Variants in SHROOM4 observed in about 807,000 individuals in gnomAD.
SHROOM4 encodes protein Shroom4.
A neutral mutation model predicts 80.3 loss-of-function variants in SHROOM4; 17 were observed. That is an observed-to-expected ratio of 0.21 (90% confidence interval 0.14 to 0.32). The LOEUF is 0.32. Ranked by LOEUF, SHROOM4 falls within the 10% of genes least tolerant of loss-of-function variation. SHROOM4 has a pLI of 1.00. For synonymous variants in SHROOM4, 400 were observed against 437.5 expected, an observed-to-expected ratio of 0.91 and a Z score of 1.07; for missense variants, 993 against 1,140.3, an observed-to-expected ratio of 0.87 and a Z score of 1.86.
rs1557273781 is a variant in SHROOM4 at position 50,813,979 on chromosome X, G to A, written c.40C>T (p.Gln14Ter). ...RPGSFQYVPV[Q>*]LQGGAPWGFT... is the part of the protein sequence containing the mutation. ...CCCCAGGGTGCCCCCCCTTGCAGCT[G>A]CACAGGGACGTACTGGAAGGACCCA... Residue 14 changes from glutamine to a stop codon, truncating the protein, a stop_gained, in exon 1 of 9, where the codon CAG becomes TAG. Transcript: ENST00000376020. LOFTEE classifies it high-confidence loss of function. 1.7e-6 allele frequency: 2 copies of A among 1,208,853 alleles called. No homozygotes were observed. The highest frequency in any genetic ancestry group is 2.2e-6 in the Non-Finnish European group (2 of 893,829).
chrX:50,795,133 TATATATATATATG>T (rs535406936), intron 1 of SHROOM4, among the ~76,000 whole-genome samples: 45 of 2,958 alleles, frequency 0.015, 9 homozygotes, highest in African/African-American at 0.022. Context: ...ATATGATATA[TATATATATATATG>T]ATATATATAT....
chrX:50,628,358 CT>C (rs782707809), intron 4 of SHROOM4, among the ~76,000 whole-genome samples: 6 of 108,138 alleles, frequency 5.5e-5, no homozygotes, highest in Admixed American at 2.0e-4. Context: ...CCAAGCAACT[CT>C]TTTTTTTTTC....
intron 1 of SHROOM4, among the ~76,000 whole-genome samples, chrX:50,769,893 C>G (rs1169835619): frequency 9.1e-6 from 1 of 110,357 alleles, no homozygotes; most frequent in African/African-American, 3.3e-5. Context: ...TTGCATATCT[C>G]AAGCCCTGGA....
chrX:50,742,641 C>G (rs868929526), intron 1 of SHROOM4, among the ~76,000 whole-genome samples: 7 of 73,689 alleles, frequency 9.5e-5, no homozygotes, highest in African/African-American at 4.1e-4. Context: ...ATGAATTTTT[C>G]GGGGGGGGGG....
rs5915187 is a variant in SHROOM4, at chrX:50,643,793, C to A, written c.270-5485G>T. ...CCAATAAGGAAGCTGGGCCCCCAGC[C>A]ACTGCTAGAACTCAGGAAAGGAGCA... On this transcript the variant is annotated intron_variant, in intron 2 of 8. Transcript: ENST00000376020. 453 of 112,527 alleles carry A rather than the reference C, an allele frequency of 4.0e-3. 2 individuals are homozygous for A. The highest frequency in any genetic ancestry group is 6.1e-3 in the Non-Finnish European group (326 of 53,310). 9.3% of individuals were successfully genotyped at this position (112,527 alleles called of 1,213,427 possible).
At chrX:50,741,558 TTG>T (rs1267307173) in intron 1 of SHROOM4, among the ~76,000 whole-genome samples, 58 of 111,231 alleles carry the variant, frequency 5.2e-4, no homozygotes, top group Non-Finnish European at 9.3e-4. Context: ...CAATTATGAT[TTG>T]TCATTAAAAA....
chrX:50,635,587 C>T lies in SHROOM4; in HGVS notation c.486G>A (p.Leu162=). ...KSSSIGSMES[L]EQPGQATYES... Reference sequence around the variant, plus strand: ...CATAGGTGGCTTGGCCTGGTTGCTCCAGGCTCTCCATGCTGCCAATGGAGC... The same window carrying T: ...CATAGGTGGCTTGGCCTGGTTGCTCTAGGCTCTCCATGCTGCCAATGGAGC... Residue 162 remains leucine (L), a synonymous_variant, in exon 4 of 9, where the codon CTG becomes CTA. Coordinates refer to ENST00000376020, the MANE Select transcript of SHROOM4 (RefSeq NM_020717.5). 8.3e-7 allele frequency: 1 copy of T among 1,209,857 alleles called. No homozygotes were observed. Among genetic ancestry groups the T allele is most frequent in the Non-Finnish European group, 1.1e-6 (1 of 895,081 alleles).
At chrX:50,780,766 T>TA (rs1490044261) in intron 1 of SHROOM4, among the ~76,000 whole-genome samples, 1 of 112,065 alleles carries the variant, frequency 8.9e-6, no homozygotes, top group Admixed American at 9.5e-5. Flanking sequence ...CTTGATAACC[T>TA]AAAATCCAAA....
rs781923409 is a variant in SHROOM4, at chrX:50,647,631, AAGCCCATTATCCCTTTC to A, written c.270-9340_270-9324del. ...ACCAGTTTTCTTTTCTTCCTCCTTAAAGCCCATTATCCCTTTCAGTTCAAACTCACTGTTCGACCTAC... is the reference window on the plus strand; with the variant it reads ...ACCAGTTTTCTTTTCTTCCTCCTTAAAGTTCAAACTCACTGTTCGACCTAC... On this transcript the variant is annotated intron_variant, in intron 2 of 8. Transcript: ENST00000376020. Among the ~76,000 whole-genome samples the A allele has an allele frequency of 5.4e-5, 6 of 111,543 alleles. No homozygotes were observed. The Admixed American group carries it at 5.7e-4, about 11-fold the overall frequency.
intron 2 of SHROOM4, among the ~76,000 whole-genome samples, chrX:50,650,932 G>GT (rs1557258631): frequency 8.9e-6 from 1 of 111,836 alleles, no homozygotes; most frequent in East Asian, 2.8e-4. Context: ...CCATCTGACA[G>GT]TTTTTTACCC....
chrX:50,785,443 A>G (rs1378833909), intron 1 of SHROOM4, among the ~76,000 whole-genome samples: 1 of 112,445 alleles, frequency 8.9e-6, no homozygotes, highest in Non-Finnish European at 1.9e-5. Flanking sequence ...TCACCAGGTG[A>G]ATGAATAAAC....
At chrX:50,597,078 CTAAT>C in intron 8 of SHROOM4, 114 bp from the exon 9 acceptor site, 2 of 928,879 alleles carry the variant, frequency 2.2e-6, no homozygotes, top group East Asian at 3.3e-5. Flanking sequence ...ATACATTCTG[CTAAT>C]TAGTCAGTCC....
In SHROOM4 at chrX:50,768,711, T is replaced by G. The variant is rs782210620; in HGVS notation, c.117+45191A>C. ...CAACAAATAGTGTATACATTATTAA[T>G]TCAACTTTAATGGGTCCAAAGATTA... is the stretch of plus-strand genomic sequence containing the variant. On this transcript the variant is annotated intron_variant, in intron 1 of 8. Coordinates refer to ENST00000376020, the MANE Select transcript of SHROOM4 (RefSeq NM_020717.5). Among the ~76,000 whole-genome samples the G allele has an allele frequency of 3.6e-5, 4 of 112,308 alleles. No homozygotes were observed. In the South Asian group the frequency reaches 1.5e-3, roughly 41 times the overall value.
intron 1 of SHROOM4, among the ~76,000 whole-genome samples, chrX:50,710,833 C>T (rs184423212): frequency 9.9e-5 from 11 of 111,121 alleles, no homozygotes; most frequent in Non-Finnish European, 1.9e-4. Context: ...TCAAATAAGC[C>T]AAAGTCCCTT....
At chrX:50,645,934 C>G (rs950490933) in intron 2 of SHROOM4, among the ~76,000 whole-genome samples, 2 of 111,025 alleles carry the variant, frequency 1.8e-5, no homozygotes, top group African/African-American at 6.6e-5. Flanking sequence ...TGGAGGTGGA[C>G]CAATTCTGAA....
At chrX:50,746,261 C>G (rs1028715872) in intron 1 of SHROOM4, among the ~76,000 whole-genome samples, 2 of 111,794 alleles carry the variant, frequency 1.8e-5, no homozygotes, top group Non-Finnish European at 3.8e-5. Context: ...CCCCCTCCCT[C>G]TGGTAACCAT....
chrX:50,724,019 C>G (rs1477714215), intron 1 of SHROOM4, among the ~76,000 whole-genome samples: 3 of 110,130 alleles, frequency 2.7e-5, no homozygotes, highest in African/African-American at 9.9e-5. Context: ...TGTATCTCCC[C>G]ACCTTAATCC....
chrX:50,715,987 T>C (rs1933940408), intron 1 of SHROOM4, among the ~76,000 whole-genome samples: 1 of 108,779 alleles, frequency 9.2e-6, no homozygotes, highest in Admixed American at 9.9e-5. Flanking sequence ...ATAAAGAAAA[T>C]GTGGTAGATA....
chrX:50,635,626 G>A lies in SHROOM4; in HGVS notation c.447C>T (p.Ser149=), dbSNP rs782027278. 1.7e-6 allele frequency: 2 copies of A among 1,210,475 alleles called. No homozygotes were observed. Among genetic ancestry groups the A allele is most frequent in the Admixed American group, 4.4e-5 (2 of 45,953 alleles). The change falls in exon 4 of 9, where the codon AGC becomes AGT. Residue 149 remains serine (S), a synonymous_variant. Transcript: ENST00000376020. Reference sequence around the variant, plus strand: ...TGCCAATGGAGCTGCTTTTCTCGGTGCTGCAATGCCGGGAGAGTGGACACC... The same window carrying A: ...TGCCAATGGAGCTGCTTTTCTCGGTACTGCAATGCCGGGAGAGTGGACACC... ...VQWCPLSRHC[S]TEKSSSIGSM...
Sources: gnomAD v4.1 joint callset for allele counts (sites outside exome capture counted in the v4.1 genomes callset) on GRCh38, gnomAD v4.1.1 for gene constraint, MANE v1.5 for transcripts, NCBI Gene and HGNC (gene_info 2026-07-23, HGNC 2026-07-21) for gene names.